The following ARFGEF3 variants were observed in gnomAD, a reference collection of about 807,000 sequenced individuals.
ARFGEF3 encodes brefeldin A-inhibited guanine nucleotide-exchange protein 3.
A neutral mutation model predicts 221.7 loss-of-function variants in ARFGEF3; 96 were observed. The observed-to-expected ratio is 0.43, with a 90% CI of 0.37 to 0.51. The LOEUF (loss-of-function observed/expected upper bound fraction) is 0.51, where lower values mean the gene tolerates loss of function less well. Among genes scored for constraint, ARFGEF3 ranks in the 20% least tolerant of loss-of-function variants. The pLI, the probability that ARFGEF3 is intolerant of heterozygous loss-of-function variation, is 0.00. For synonymous variants in ARFGEF3, 1,145 were observed against 1,126.8 expected (o/e 1.02, Z -0.32); for missense variants, 2,410 against 2,789.9 (o/e 0.86, Z 3.07).
chr6:138,292,226 G>A (rs17067347), intron 19 of ARFGEF3, among the ~76,000 whole-genome samples, 173 bp downstream of exon 19: 11,121 of 152,242 alleles, frequency 0.073, 744 homozygotes, highest in South Asian at 0.22. Context: ...GGAATGAAAC[G>A]TTTTCTACTA....
intron 15 of ARFGEF3, among the ~76,000 whole-genome samples, chr6:138,286,461 A>AAAAAAG (rs1013860140): frequency 3.9e-5 from 6 of 152,028 alleles, no homozygotes; most frequent in Non-Finnish European, 8.8e-5. Context: ...AAAAAAAAAA[A>AAAAAAG]AAAAAGAAAA....
chr6:138,316,023 C>T (rs1457541020), intron 26 of ARFGEF3, among the ~76,000 whole-genome samples: 4 of 152,094 alleles, frequency 2.6e-5, no homozygotes, highest in African/African-American at 4.8e-5. Context: ...AAACCTCAAA[C>T]CCAGATAATT....
intron 2 of ARFGEF3, among the ~76,000 whole-genome samples, chr6:138,186,736 C>A (rs550879679): frequency 6.6e-6 from 1 of 152,180 alleles, no homozygotes; most frequent in African/African-American, 2.4e-5. Context: ...CTGGAGATAT[C>A]CCCGTCCCGC....
At chr6:138,239,508 G>A (rs1562364354) in intron 6 of ARFGEF3, among the ~76,000 whole-genome samples, 3 of 151,876 alleles carry the variant, frequency 2.0e-5, no homozygotes. Flanking sequence ...AATTAGCCGG[G>A]TGTGGTGGTG....
At chr6:138,252,748 T>C (rs947058392) in intron 8 of ARFGEF3, among the ~76,000 whole-genome samples, 3 of 152,230 alleles carry the variant, frequency 2.0e-5, no homozygotes, top group Non-Finnish European at 4.4e-5. Context: ...TTTTCCTTTT[T>C]CTGAGTATTC....
chr6:138,291,805 C>T lies in ARFGEF3; in HGVS notation c.3120C>T (p.Ile1040=). The change falls in exon 19 of 34, where the codon ATC becomes ATT. Residue 1040 remains isoleucine, a synonymous_variant. Transcript: ENST00000251691. This position sits in a 1 kb window ranked among gnomAD's most constrained non-coding sequence, Gnocchi z 4.5. The stretch of plus-strand genomic sequence containing the variant: ...GTGCCTCGCAGCCCCCTCTGACCAT[C>T]AGCCAGCCCCAGAAGGCCACTGGAA... ...SDGASQPPLT[I]SQPQKATGSA... 1 of 1,480,232 alleles carries T rather than the reference C, an allele frequency of 6.8e-7. No individual in the cohort carries two copies. The highest frequency in any genetic ancestry group is 9.0e-7 in the Non-Finnish European group (1 of 1,115,286). The allele number at this position is 1,480,232 out of a possible 1,614,324, so 91.7% of individuals were successfully genotyped here.
chr6:138,227,307 G>A (rs575628247), intron 4 of ARFGEF3, among the ~76,000 whole-genome samples: 7 of 152,176 alleles, frequency 4.6e-5, no homozygotes, highest in East Asian at 3.9e-4. Flanking sequence ...ACACCCTTAC[G>A]AAGACCTCAC....
rs185762247 is a variant in ARFGEF3, at chr6:138,310,369, T to C, written c.4097-1038T>C. Among the ~76,000 whole-genome samples, 46 of 152,352 alleles carry C rather than the reference T, an allele frequency of 3.0e-4. No individual in the cohort carries two copies. The East Asian group carries it at 7.5e-3, about 25-fold the overall frequency. On this transcript the variant is annotated intron_variant, in intron 24 of 33. Coordinates refer to ENST00000251691, the MANE Select transcript of ARFGEF3 (RefSeq NM_020340.5). ...ATTTGGCAAGCTATGGCCCACAGTTTTTATAAATACAGTTTTATTAAAACA... is the reference window on the plus strand; with the variant it reads ...ATTTGGCAAGCTATGGCCCACAGTTCTTATAAATACAGTTTTATTAAAACA...
chr6:138,229,609 T>C (rs997428753), intron 4 of ARFGEF3, among the ~76,000 whole-genome samples, 175 bp from the exon 5 acceptor site: 1 of 152,200 alleles, frequency 6.6e-6, no homozygotes, highest in Non-Finnish European at 1.5e-5. Context: ...TCTACTTTGT[T>C]AGGCAACATG....
At chr6:138,313,749 C>G in intron 25 of ARFGEF3, 46 bp from the exon 26 acceptor site, 2 of 1,527,472 alleles carry the variant, frequency 1.3e-6, no homozygotes, top group Non-Finnish European at 1.8e-6. Flanking sequence ...CACAATGCAG[C>G]TTTTTCCAAC....
chr6:138,290,719 G>A (rs927511321), intron 18 of ARFGEF3, among the ~76,000 whole-genome samples: 8 of 152,202 alleles, frequency 5.3e-5, no homozygotes, highest in Admixed American at 4.6e-4. Context: ...CTTCTCTGCA[G>A]CACATGCCTC....
intron 23 of ARFGEF3, among the ~76,000 whole-genome samples, chr6:138,308,417 C>T (rs1167109098): frequency 6.6e-6 from 1 of 152,216 alleles, no homozygotes; most frequent in African/African-American, 2.4e-5. Flanking sequence ...ACCTGCCCTG[C>T]TGTGCCCTGT....
chr6:138,320,175 G>T (rs373155894), intron 28 of ARFGEF3, among the ~76,000 whole-genome samples: 4 of 152,168 alleles, frequency 2.6e-5, no homozygotes, highest in African/African-American at 9.6e-5. Flanking sequence ...GAAGGGAGGC[G>T]AATTCAAGTA....
intron 4 of ARFGEF3, among the ~76,000 whole-genome samples, chr6:138,211,053 T>C (rs1287965904): frequency 6.6e-6 from 1 of 152,210 alleles, no homozygotes; most frequent in Non-Finnish European, 1.5e-5. Context: ...AGAATGTCCT[T>C]GGACAGATGC....
At chr6:138,222,031 C>G (rs1175718794) in intron 4 of ARFGEF3, among the ~76,000 whole-genome samples, 1 of 152,168 alleles carries the variant, frequency 6.6e-6, no homozygotes, top group East Asian at 1.9e-4. Context: ...AGCCCAGCTA[C>G]TTGTTGTGAC....
At chr6:138,323,840 A>G (rs1165550613) in intron 30 of ARFGEF3, 67 bp downstream of exon 30, 3 of 1,560,476 alleles carry the variant, frequency 1.9e-6, no homozygotes, top group Non-Finnish European at 8.8e-7. Flanking sequence ...ATCCCTTACC[A>G]TGTTGGGCAC....
At chr6:138,229,944 A>G (rs934740226) in intron 5 of ARFGEF3, 92 bp downstream of exon 5, 2 of 1,028,154 alleles carry the variant, frequency 1.9e-6, no homozygotes, top group Non-Finnish European at 3.0e-6. Context: ...CCAGCACTGG[A>G]GTGAATCCTT....
At chr6:138,314,679 G>A (rs1390988952) in intron 26 of ARFGEF3, among the ~76,000 whole-genome samples, 1 of 152,136 alleles carries the variant, frequency 6.6e-6, no homozygotes, top group Non-Finnish European at 1.5e-5. Context: ...GTTCTAAAGG[G>A]GGAGAAATAG....
At chr6:138,307,534 A>G in intron 23 of ARFGEF3, 137 bp downstream of exon 23, 1 of 823,048 alleles carries the variant, frequency 1.2e-6, no homozygotes. Flanking sequence ...AATGTGGTGT[A>G]GCAGGAACAT....
Sources: allele counts gnomAD v4.1 joint callset (sites outside exome capture counted in the v4.1 genomes callset), GRCh38; gene constraint gnomAD v4.1.1; non-coding constraint Gnocchi (gnomAD v3.1); transcripts MANE v1.5; gene names NCBI Gene and HGNC (gene_info 2026-07-23, HGNC 2026-07-21).